The following TEX11 variants were observed in gnomAD, a reference collection of about 807,000 sequenced individuals.
TEX11 encodes testis-expressed protein 11.
In TEX11, 7 loss-of-function variants were observed where a neutral mutation model predicts 84.4. The observed-to-expected ratio is 0.08, with a 90% CI of 0.05 to 0.16. TEX11 has a LOEUF of 0.16. TEX11 is among the 10% of genes least tolerant of loss of function. The pLI is 1.00. For missense variants in TEX11, 551 were observed against 660.5 expected, an observed-to-expected ratio of 0.83 and a Z score of 1.82; for synonymous variants, 264 against 222.8, an observed-to-expected ratio of 1.18 and a Z score of -1.64.
At chrX:70,781,245 A>G (rs767971423) in intron 9 of TEX11, among the ~76,000 whole-genome samples, 6 of 112,143 alleles carry the variant, frequency 5.4e-5, no homozygotes, top group Non-Finnish European at 9.4e-5. Flanking sequence ...AGGAAAACTA[A>G]CAAACAGAAA....
intron 28 of TEX11, among the ~76,000 whole-genome samples, chrX:70,550,566 C>T (rs941550783): frequency 2.7e-5 from 3 of 111,448 alleles, no homozygotes; most frequent in Non-Finnish European, 5.7e-5. Context: ...ATCTAATAAT[C>T]GAGTTTTAAA....
At chrX:70,812,903 G>C (rs941357772) in intron 8 of TEX11, among the ~76,000 whole-genome samples, 5 of 111,468 alleles carry the variant, frequency 4.5e-5, no homozygotes, top group African/African-American at 1.6e-4. Context: ...CCAGGAAGAA[G>C]TTGAATCTCT....
chrX:70,818,663 C>G (rs1219940422), intron 8 of TEX11, among the ~76,000 whole-genome samples: 1 of 110,620 alleles, frequency 9.0e-6, no homozygotes, highest in African/African-American at 3.3e-5. Flanking sequence ...TCAAGCATCC[C>G]CCTTTGAGCT....
chrX:70,886,003 T>C (rs751532195), intron 2 of TEX11, among the ~76,000 whole-genome samples: 86 of 110,402 alleles, frequency 7.8e-4, no homozygotes, highest in Non-Finnish European at 6.8e-4. Context: ...GATGGTAAAA[T>C]GGTGCAGCTG....
intron 9 of TEX11, among the ~76,000 whole-genome samples, chrX:70,781,314 C>A (rs1013238476): frequency 8.9e-6 from 1 of 111,883 alleles, no homozygotes; most frequent in Non-Finnish European, 1.9e-5. Flanking sequence ...CTGTAGGTCA[C>A]CAACATCAAA....
In TEX11 at chrX:70,554,691, C is replaced by A; in HGVS notation, c.2250G>T (p.Glu750Asp). 1 of 1,208,536 alleles carries A rather than the reference C, an allele frequency of 8.3e-7. No individual in the cohort carries two copies. Among genetic ancestry groups the A allele is most frequent in the Non-Finnish European group, 1.1e-6 (1 of 893,921 alleles). The change falls in exon 26 of 30, where the codon GAG becomes GAT. Residue 750 changes from glutamate (E) to aspartate (D), a missense_variant. By Grantham distance (45) the Glu-to-Asp change is conservative. Transcript: ENST00000374333. Reference protein sequence around the residue: ...LLESFLESVWELPHLETKTFE... With the variant: ...LLESFLESVWDLPHLETKTFE... Reference sequence around the variant, plus strand: ...AAGTTTTAGTTTCTAAATGAGGCAACTCCCACACTGATTCCAGGAAGCTTT... The same window carrying A: ...AAGTTTTAGTTTCTAAATGAGGCAAATCCCACACTGATTCCAGGAAGCTTT...
chrX:70,836,109 CAAAA>C (rs35496948), intron 7 of TEX11, among the ~76,000 whole-genome samples: 4 of 74,016 alleles, frequency 5.4e-5, no homozygotes, highest in Admixed American at 3.2e-4. Context: ...GACTCTGTCT[CAAAA>C]AAAAAAAAAA....
chrX:70,639,330 T>G (rs1353237897), intron 17 of TEX11, among the ~76,000 whole-genome samples: 1 of 111,330 alleles, frequency 9.0e-6, no homozygotes, highest in South Asian at 3.8e-4. Context: ...AAGGCGGCAG[T>G]GAGGCTGGGG....
At chrX:70,542,415 T>A (rs1479606264) in intron 28 of TEX11, among the ~76,000 whole-genome samples, 1 of 111,625 alleles carries the variant, frequency 9.0e-6, no homozygotes, top group Admixed American at 9.6e-5. Context: ...GGTATTTTTG[T>A]TATAGCAGCC....
At chrX:70,618,248 T>C (rs766402041) in intron 20 of TEX11, among the ~76,000 whole-genome samples, 16 of 111,333 alleles carry the variant, frequency 1.4e-4, no homozygotes, top group Non-Finnish European at 2.6e-4. Context: ...TATGACTCTA[T>C]GGAAAATCAC....
At chrX:70,705,384 G>C (rs1360268248) in intron 13 of TEX11, among the ~76,000 whole-genome samples, 3 of 111,246 alleles carry the variant, frequency 2.7e-5, no homozygotes, top group Non-Finnish European at 5.7e-5. Context: ...AATTACCTTG[G>C]GCAGTATGGC....
intron 17 of TEX11, among the ~76,000 whole-genome samples, chrX:70,649,345 G>A (rs190464382): frequency 0.019 from 2,178 of 111,944 alleles, 21 homozygotes; most frequent in Middle Eastern, 0.069. Context: ...CAGTGTAAAA[G>A]CATTCCTATT....
intron 9 of TEX11, among the ~76,000 whole-genome samples, chrX:70,788,099 A>G (rs1256785196): frequency 8.9e-6 from 1 of 111,835 alleles, no homozygotes; most frequent in East Asian, 2.8e-4. Flanking sequence ...CAAAAGTGAT[A>G]TGCAGATTCA....
intron 28 of TEX11, among the ~76,000 whole-genome samples, chrX:70,539,177 G>A (rs1046714882): frequency 9.5e-6 from 1 of 105,672 alleles, no homozygotes; most frequent in Non-Finnish European, 1.9e-5. Context: ...TGGGATTACA[G>A]GCGCCTACCA....
chrX:70,810,945 C>T (rs1032348414), intron 8 of TEX11, among the ~76,000 whole-genome samples: 7 of 111,120 alleles, frequency 6.3e-5, no homozygotes, highest in East Asian at 2.8e-4. Flanking sequence ...TTCCATATAC[C>T]GTAGATATTT....
At chrX:70,779,845 T>G (rs2091026431) in intron 9 of TEX11, among the ~76,000 whole-genome samples, 1 of 112,009 alleles carries the variant, frequency 8.9e-6, no homozygotes, top group South Asian at 3.7e-4. Flanking sequence ...TCAGAAAATC[T>G]GAACAAATAA....
At position 70,739,215 on chromosome X, in the gene TEX11, C is replaced by T. The variant is rs146768222; in HGVS notation, c.843+1486G>A. 4.9e-3 allele frequency among the ~76,000 whole-genome samples: 547 copies of T among 111,042 alleles called. 3 individuals are homozygous for T. The highest frequency in any genetic ancestry group is 0.017 in the African/African-American group (518 of 30,596). ...TTTCAGCATTAAATAACCCCATCCA[C>T]ATAACATAAATTTCAGGAAAATATA... On this transcript the variant is annotated intron_variant, in intron 11 of 29. Transcript: ENST00000374333.
chrX:70,893,011 T>C (rs1260343961), intron 2 of TEX11, among the ~76,000 whole-genome samples: 1 of 111,233 alleles, frequency 9.0e-6, no homozygotes, highest in East Asian at 2.8e-4. Flanking sequence ...CTATCCTAAA[T>C]ATATATGCAC....
At chrX:70,564,674 A>G (rs1267368796) in intron 25 of TEX11, among the ~76,000 whole-genome samples, 1 of 105,061 alleles carries the variant, frequency 9.5e-6, no homozygotes, top group Non-Finnish European at 1.9e-5. Flanking sequence ...TTGTTCTTGC[A>G]ATAGTTTACT....
Sources: allele counts gnomAD v4.1 joint callset (sites outside exome capture counted in the v4.1 genomes callset), GRCh38; gene constraint gnomAD v4.1.1; transcripts MANE v1.5; gene names NCBI Gene and HGNC (gene_info 2026-07-23, HGNC 2026-07-21).